PTCHD4: variants seen among roughly 807,000 people sequenced by gnomAD.
PTCHD4 encodes the protein patched domain-containing protein 4.
In PTCHD4, 33 loss-of-function variants were observed where a neutral mutation model predicts 58.1. The observed-to-expected ratio is 0.57, with a 90% CI of 0.43 to 0.76. The LOEUF (loss-of-function observed/expected upper bound fraction) is 0.76. Ranked by LOEUF, PTCHD4 falls within the 30% of genes least tolerant of loss-of-function variation. The probability of loss-of-function intolerance (pLI) is 0.00; values close to 1 mark genes in which losing one functional copy is unlikely to be tolerated. For synonymous variants in PTCHD4, 478 were observed against 409.6 expected (o/e 1.17, Z -2.02); for missense variants, 1,058 against 1,027.1 (o/e 1.03, Z -0.41).
chr6:47,939,372 G>A (rs918857573), intron 4 of PTCHD4, among the ~76,000 whole-genome samples: 13 of 151,660 alleles, frequency 8.6e-5, no homozygotes, highest in Middle Eastern at 3.4e-3. Flanking sequence ...ATGGCCTACA[G>A]GTACATTAAA....
rs1423500262 is a variant in PTCHD4 at position 47,879,671 on chromosome 6, G to A, written c.1164C>T (p.Val388=). The part of the protein sequence containing the change: ...YIFSFFGSCL[V]FAGQLEQNRY... ...GGTTTTGCTCTAGTTGGCCAGCAAA[G>A]ACCAGACAGGAGCCAAAGAAGGAGA... is the stretch of plus-strand genomic sequence containing the variant. Residue 388 remains valine, a synonymous_variant, in exon 5 of 5, where the codon GTC becomes GTT. Transcript: ENST00000339488. The A allele has an allele frequency of 6.2e-7, 1 of 1,613,444 alleles. No homozygotes were observed. The highest frequency in any genetic ancestry group is 1.3e-5 in the African/African-American group (1 of 74,898).
Position 48,111,074 on chromosome 6 carries a change from G to A in PTCHD4, c.-995C>T, listed in dbSNP as rs74327621. 9.9e-5 allele frequency among the ~76,000 whole-genome samples: 15 copies of A among 151,964 alleles called. No homozygotes were observed. The highest frequency in any genetic ancestry group is 2.7e-4 in the African/African-American group (11 of 41,434). On this transcript the variant is annotated 5_prime_UTR_variant, in exon 1 of 5. Transcript: ENST00000339488. Reference sequence around the variant, plus strand: ...CTTCTGGCTTTCGGTTTGGATTGGCGCATGGAGGCAACAACAGAATTGGAG... The same window carrying A: ...CTTCTGGCTTTCGGTTTGGATTGGCACATGGAGGCAACAACAGAATTGGAG...
intron 4 of PTCHD4, among the ~76,000 whole-genome samples, chr6:47,982,296 C>T (rs1767906660): frequency 6.6e-6 from 1 of 152,078 alleles, no homozygotes; most frequent in African/African-American, 2.4e-5. Flanking sequence ...CAAGTCCCAT[C>T]TCCCTTTGGA....
chr6:48,095,732 C>CAAAAAAAAAAA (rs112185985), intron 1 of PTCHD4, among the ~76,000 whole-genome samples: 2 of 124,978 alleles, frequency 1.6e-5, no homozygotes, highest in African/African-American at 3.0e-5. Context: ...CAAAAGGAAC[C>CAAAAAAAAAAA]AAAAAAAAAA....
Position 48,094,550 on chromosome 6 carries a change from T to C in PTCHD4, c.-970+16499A>G, listed in dbSNP as rs758192002. Among the ~76,000 whole-genome samples, 4 of 152,300 alleles carry C rather than the reference T, an allele frequency of 2.6e-5. No individual in the cohort carries two copies. In the South Asian group the frequency reaches 6.2e-4, roughly 24 times the overall value. On this transcript the variant is annotated intron_variant, in intron 1 of 4. Transcript: ENST00000339488. ...AGCACTGACAGAACATTAGAAGATA[T>C]ATGGATTTGACCGAGTCAAGAAATA...
In PTCHD4 at chr6:47,985,104, C is replaced by G. The variant is rs564754846; in HGVS notation, c.898+23530G>C. On this transcript the variant is annotated intron_variant, in intron 4 of 4. Transcript: ENST00000339488. ...TTTTTATGCATCAAACTTAATATAT[C>G]TTTTCATATGATTCCTTGGAATTAT... 1.5e-3 allele frequency among the ~76,000 whole-genome samples: 222 copies of G among 152,160 alleles called. 1 individual carries two copies. The highest frequency in any genetic ancestry group is 2.5e-3 in the Non-Finnish European group (170 of 67,962).
At chr6:47,942,748 G>T (rs1766281356) in intron 4 of PTCHD4, among the ~76,000 whole-genome samples, 1 of 152,176 alleles carries the variant, frequency 6.6e-6, no homozygotes, top group Admixed American at 6.6e-5. Context: ...TGCAAAATGA[G>T]GTACACTTTT....
chr6:48,048,018 T>TAA (rs34442679), intron 3 of PTCHD4, among the ~76,000 whole-genome samples: 57 of 127,726 alleles, frequency 4.5e-4, no homozygotes, highest in African/African-American at 1.3e-3. Flanking sequence ...AGCATTCTAG[T>TAA]AAAAAAAAAA....
At chr6:47,909,753 A>G (rs1250505481) in intron 4 of PTCHD4, among the ~76,000 whole-genome samples, 1 of 150,718 alleles carries the variant, frequency 6.6e-6, no homozygotes, top group African/African-American at 2.4e-5. Flanking sequence ...TTTTTTTTCT[A>G]TCTTTTGACT....
intron 3 of PTCHD4, among the ~76,000 whole-genome samples, chr6:48,017,257 T>C (rs1167193206): frequency 6.6e-6 from 1 of 152,132 alleles, no homozygotes; most frequent in Non-Finnish European, 1.5e-5. Flanking sequence ...TTAGTAGAAA[T>C]GAGAAAATAA....
intron 4 of PTCHD4, among the ~76,000 whole-genome samples, chr6:48,003,277 C>T (rs1001138977): frequency 1.3e-5 from 2 of 152,138 alleles, no homozygotes; most frequent in Admixed American, 1.3e-4. Context: ...GATCTATGTA[C>T]TGTGTTATAT....
chr6:48,106,900 G>A (rs549282341), intron 1 of PTCHD4, among the ~76,000 whole-genome samples: 1 of 152,188 alleles, frequency 6.6e-6, no homozygotes, highest in South Asian at 2.1e-4. Flanking sequence ...CAAGGGGCAT[G>A]AAGGACCTCT....
At chr6:48,017,843 G>A (rs769842312) in intron 3 of PTCHD4, among the ~76,000 whole-genome samples, 2 of 152,100 alleles carry the variant, frequency 1.3e-5, no homozygotes, top group Non-Finnish European at 2.9e-5. Flanking sequence ...ATTAATGATA[G>A]GTACTATAAC....
chr6:47,868,610 A>C lies in PTCHD4; in HGVS notation c.*9693T>G, dbSNP rs1171032834. On this transcript the variant is annotated 3_prime_UTR_variant, in exon 5 of 5. Coordinates refer to ENST00000339488, the MANE Select transcript of PTCHD4 (RefSeq NM_001384253.1). The stretch of plus-strand genomic sequence containing the variant: ...TGTCAGTTGCCATTTTTAAAATAAA[A>C]TCAGTGGAGAATTTCAACTTGAAGC... 1.3e-5 allele frequency among the ~76,000 whole-genome samples: 2 copies of C among 151,808 alleles called. No individual in the cohort carries two copies. Among genetic ancestry groups the C allele is most frequent in the Non-Finnish European group, 2.9e-5 (2 of 67,818 alleles).
chr6:47,981,375 A>AT (rs1026630865), intron 4 of PTCHD4, among the ~76,000 whole-genome samples: 1 of 147,264 alleles, frequency 6.8e-6, no homozygotes, highest in African/African-American at 2.5e-5. Flanking sequence ...TTTTCTTTCT[A>AT]TTTTTTTTCT....
intron 4 of PTCHD4, among the ~76,000 whole-genome samples, chr6:47,890,175 G>A (rs982476355): frequency 1.3e-5 from 2 of 151,336 alleles, no homozygotes; most frequent in Non-Finnish European, 2.9e-5. Flanking sequence ...GTGTATATAT[G>A]TATATTTGTC....
At chr6:47,981,326 G>C (rs1336408598) in intron 4 of PTCHD4, among the ~76,000 whole-genome samples, 1 of 151,686 alleles carries the variant, frequency 6.6e-6, no homozygotes, top group Non-Finnish European at 1.5e-5. Context: ...GTATTTTGTT[G>C]CTTCCAAAGC....
In PTCHD4 at chr6:47,862,154, G is replaced by A. The variant is rs1486282417; in HGVS notation, c.*16149C>T. ...AGTTTCAGCACTTCTTTATTGTATA[G>A]GTATGACCAAGTTGGCCTTTAGGAG... On this transcript the variant is annotated 3_prime_UTR_variant, in exon 5 of 5. Transcript: ENST00000339488. Among the ~76,000 whole-genome samples, 8 of 151,720 alleles carry A rather than the reference G, an allele frequency of 5.3e-5. No individual in the cohort carries two copies. The highest frequency in any genetic ancestry group is 3.0e-5 in the Non-Finnish European group (2 of 67,788).
At chr6:47,899,604 C>T (rs1359182230) in intron 4 of PTCHD4, 21 of 979,706 alleles carry the variant, frequency 2.1e-5, no homozygotes, top group Middle Eastern at 1.0e-3. Context: ...AAGTGAACCC[C>T]TTCCGTTTGT....
Sources: gnomAD v4.1 joint callset for allele counts (sites outside exome capture counted in the v4.1 genomes callset) on GRCh38, gnomAD v4.1.1 for gene constraint, MANE v1.5 for transcripts, NCBI Gene and HGNC (gene_info 2026-07-23, HGNC 2026-07-21) for gene names.